ACTR3C: variants seen among roughly 807,000 people sequenced by gnomAD.
ACTR3C encodes actin related protein 3C.
A neutral mutation model predicts 26.3 loss-of-function variants in ACTR3C; 18 were observed. That is an observed-to-expected ratio of 0.68 (90% CI 0.47 to 1.01). The LOEUF is 1.01. ACTR3C is among the 50% of genes least tolerant of loss of function. The pLI is 0.00. For missense variants in ACTR3C, 184 were observed against 250.7 expected (o/e 0.73, Z 1.80); for synonymous variants, 55 against 94.5 (o/e 0.58, Z 2.42).
chr7:150,080,737 T>G, the ACTR3C span, among the ~76,000 whole-genome samples: 2 of 152,106 alleles, frequency 1.3e-5, no homozygotes, highest in Non-Finnish European at 2.9e-5. Flanking sequence ...CCAAAGTGAA[T>G]GAAGGTTCCA....
the ACTR3C span, among the ~76,000 whole-genome samples, chr7:150,113,997 C>A: frequency 6.6e-6 from 1 of 152,140 alleles, no homozygotes; most frequent in Non-Finnish European, 1.5e-5. Flanking sequence ...ATCAACATTT[C>A]TTGCTTCAAG....
In ACTR3C at chr7:150,295,272, C is replaced by T; in HGVS notation, c.25G>A (p.Gly9Arg). 3 of 1,613,978 alleles carry T rather than the reference C, an allele frequency of 1.9e-6. No homozygotes were observed. Among genetic ancestry groups the T allele is most frequent in the Non-Finnish European group, 2.5e-6 (3 of 1,179,854 alleles). ...TTTACCTGAACTGCAATGTAGAGTC[C>T]TGGAACGTTAAATGATTCGAACATA... MFESFNVP[G>R]LYIAVQAVLA... The change falls in exon 2 of 8, where the codon GGA (glycine) becomes AGA (arginine). Residue 9 changes from glycine to arginine, a missense_variant. Gly to Arg is a moderately radical substitution (Grantham distance 125). Coordinates refer to ENST00000683684, the MANE Select transcript of ACTR3C (RefSeq NM_001164458.2).
At chr7:150,134,250 C>G in the ACTR3C span, among the ~76,000 whole-genome samples, 26 of 137,896 alleles carry the variant, frequency 1.9e-4, no homozygotes, top group African/African-American at 6.6e-4. Context: ...AAAAAAAAAG[C>G]CAACACAGGA....
the ACTR3C span, among the ~76,000 whole-genome samples, chr7:149,995,574 T>C: frequency 6.6e-6 from 1 of 152,272 alleles, no homozygotes; most frequent in African/African-American, 2.4e-5. Context: ...ACTGCGTTGT[T>C]TGTTGTGGTA....
the ACTR3C span, among the ~76,000 whole-genome samples, chr7:150,204,998 C>G: frequency 3.7e-4 from 57 of 152,318 alleles, no homozygotes; most frequent in African/African-American, 1.3e-3. Flanking sequence ...CTCAAGCTCA[C>G]AGAGAGGAAA....
At chr7:150,259,106 C>T (rs908265784) in intron 6 of ACTR3C, among the ~76,000 whole-genome samples, 1 of 151,814 alleles carries the variant, frequency 6.6e-6, no homozygotes, top group African/African-American at 2.4e-5. Context: ...GTGGTCTCTC[C>T]AGCCTTCCCC....
chr7:150,205,620 TC>T, the ACTR3C span, among the ~76,000 whole-genome samples: 1 of 152,142 alleles, frequency 6.6e-6, no homozygotes, highest in Non-Finnish European at 1.5e-5. Context: ...TCCATTCTGC[TC>T]CCCAAAGTAT....
At chr7:150,112,396 G>A in the ACTR3C span, among the ~76,000 whole-genome samples, 3 of 152,080 alleles carry the variant, frequency 2.0e-5, no homozygotes, top group Admixed American at 6.5e-5. Context: ...GCACACACAC[G>A]TCACCACACC....
chr7:149,993,203 T>C, the ACTR3C span, among the ~76,000 whole-genome samples: 138,615 of 141,700 alleles, frequency 0.98, 67,853 homozygotes, highest in East Asian at 1. Context: ...TGGCAGCACC[T>C]TCACCGACAC....
intron 1 of ACTR3C, among the ~76,000 whole-genome samples, chr7:150,312,305 A>T (rs1796396239): frequency 6.6e-6 from 1 of 152,196 alleles, no homozygotes; most frequent in Non-Finnish European, 1.5e-5. Flanking sequence ...CAGGAGACAA[A>T]GATTATTTTA....
the ACTR3C span, among the ~76,000 whole-genome samples, chr7:150,162,450 T>C: frequency 6.6e-5 from 10 of 152,184 alleles, no homozygotes; most frequent in East Asian, 5.8e-4. Context: ...CTCAGCCTCC[T>C]GAGTAGCTGG....
the ACTR3C span, among the ~76,000 whole-genome samples, chr7:149,998,833 T>C: frequency 9.3e-5 from 14 of 150,302 alleles, no homozygotes; most frequent in African/African-American, 2.2e-4. Context: ...CAGAAGTGAG[T>C]GAGCACAACC....
the ACTR3C span, among the ~76,000 whole-genome samples, chr7:150,092,951 A>C: frequency 6.6e-6 from 1 of 151,558 alleles, no homozygotes; most frequent in Non-Finnish European, 1.5e-5. Flanking sequence ...CAGAGATGCA[A>C]AAAGATGGCC....
At chr7:149,888,538 G>A in the ACTR3C span, among the ~76,000 whole-genome samples, 1 of 152,148 alleles carries the variant, frequency 6.6e-6, no homozygotes, top group Non-Finnish European at 1.5e-5. Context: ...CAAATCATTG[G>A]CTTGCTTTTC....
At chr7:150,035,774 TG>T in the ACTR3C span, among the ~76,000 whole-genome samples, 1 of 133,374 alleles carries the variant, frequency 7.5e-6, no homozygotes, top group Non-Finnish European at 1.7e-5. Flanking sequence ...CCCTCTGCGA[TG>T]GGGTTCCTAA....
chr7:150,038,932 G>A, the ACTR3C span, among the ~76,000 whole-genome samples: 31 of 86,248 alleles, frequency 3.6e-4, 3 homozygotes, highest in African/African-American at 8.8e-4. Context: ...GGTGGAAGAG[G>A]GGATAGCTCT....
chr7:149,894,579 C>G, the ACTR3C span, among the ~76,000 whole-genome samples: 1 of 151,816 alleles, frequency 6.6e-6, no homozygotes, highest in Non-Finnish European at 1.5e-5. Context: ...GAGCAAGAGA[C>G]CTGAATGGAC....
the ACTR3C span, among the ~76,000 whole-genome samples, chr7:149,907,680 C>T: frequency 2.0e-5 from 3 of 151,420 alleles, no homozygotes; most frequent in South Asian, 4.2e-4. Flanking sequence ...CTTCGCTTCC[C>T]GTCTCTATTA....
the ACTR3C span, among the ~76,000 whole-genome samples, chr7:149,887,035 T>C: frequency 1.3e-5 from 2 of 150,288 alleles, no homozygotes; most frequent in East Asian, 3.9e-4. Flanking sequence ...CAATGAACAG[T>C]GTCCAGAGTC....
Sources: allele counts gnomAD v4.1 joint callset (sites outside exome capture counted in the v4.1 genomes callset), GRCh38; gene constraint gnomAD v4.1.1; transcripts MANE v1.5; gene names NCBI Gene and HGNC (gene_info 2026-07-23, HGNC 2026-07-21).